Variants in PAK3 observed in about 807,000 individuals in gnomAD.
PAK3 encodes p21 (RAC1) activated kinase 3, also known as serine/threonine-protein kinase PAK 3.
Under a neutral mutation model 41.0 loss-of-function variants are expected in PAK3, and 4 were observed. The ratio of observed to expected loss-of-function variants is 0.10; its 90% confidence interval spans 0.05 to 0.22. The LOEUF is 0.22. Among genes scored for constraint, PAK3 ranks in the 10% least tolerant of loss-of-function variants. The probability of loss-of-function intolerance (pLI) is 1.00; values close to 1 mark genes in which losing one functional copy is unlikely to be tolerated. For missense variants in PAK3, 205 were observed against 409.9 expected, an observed-to-expected ratio of 0.50 and a Z score of 4.32; for synonymous variants, 146 against 139.6, an observed-to-expected ratio of 1.05 and a Z score of -0.32.
chrX:111,152,579 A>G (rs1278978132), intron 8 of PAK3, 132 bp downstream of exon 8: 5 of 483,893 alleles, frequency 1.0e-5, no homozygotes. Flanking sequence ...CAGTTTATAT[A>G]AAATTCACCT....
intron 4 of PAK3, among the ~76,000 whole-genome samples, chrX:111,120,185 G>A (rs1229311145): frequency 3.6e-5 from 4 of 111,934 alleles, no homozygotes; most frequent in African/African-American, 1.3e-4. Flanking sequence ...AGTTTGGTGG[G>A]CAATAGGAAT....
chrX:111,060,541 G>C (rs964469298), intron 1 of PAK3, among the ~76,000 whole-genome samples: 1 of 111,418 alleles, frequency 9.0e-6, no homozygotes, highest in Non-Finnish European at 1.9e-5. Context: ...CACCAGTGAA[G>C]ACTTCTTGTC....
At chrX:110,951,577 C>T (rs2090746415) in intron 1 of PAK3, among the ~76,000 whole-genome samples, 1 of 111,960 alleles carries the variant, frequency 8.9e-6, no homozygotes, top group Non-Finnish European at 1.9e-5. Flanking sequence ...TCTGATAATT[C>T]AGGTTTTGGC....
intron 1 of PAK3, among the ~76,000 whole-genome samples, chrX:110,985,070 A>T (rs1239656269): frequency 1.1e-4 from 12 of 112,336 alleles, no homozygotes; most frequent in African/African-American, 3.9e-4. Context: ...TCGAGGCTGC[A>T]GTGAGCTGAG....
rs767882062 is a variant in PAK3 at position 110,997,503 on chromosome X, G to C, written c.-28+52875G>C. Reference sequence around the variant, plus strand: ...AACTGTATGTGTTTTGAGAGATAGAGTATTTAGGATTTGCTGACAGACCTA... The same window carrying C: ...AACTGTATGTGTTTTGAGAGATAGACTATTTAGGATTTGCTGACAGACCTA... On this transcript the variant is annotated intron_variant, in intron 1 of 14. Transcript: ENST00000425146. Among the ~76,000 whole-genome samples the C allele has an allele frequency of 2.7e-5, 3 of 111,339 alleles. No homozygotes were observed. In the East Asian group the frequency reaches 8.5e-4, roughly 32 times the overall value.
chrX:111,041,968 C>A, intron 1 of PAK3, among the ~76,000 whole-genome samples: 1 of 111,589 alleles, frequency 9.0e-6, no homozygotes, highest in Non-Finnish European at 1.9e-5. Flanking sequence ...ATATATATTT[C>A]TTTATTACTG....
chrX:111,169,791 C>T (rs1335497595), intron 10 of PAK3, among the ~76,000 whole-genome samples: 1 of 111,982 alleles, frequency 8.9e-6, no homozygotes, highest in Non-Finnish European at 1.9e-5. Flanking sequence ...AACTTTTAAG[C>T]AGGAGCTGAT....
chrX:111,018,413 A>G (rs1042477749), intron 1 of PAK3, among the ~76,000 whole-genome samples: 2 of 111,909 alleles, frequency 1.8e-5, no homozygotes, highest in Admixed American at 9.5e-5. Flanking sequence ...TAAAATCAAC[A>G]TACAATAATC....
intron 16 of PAK3, among the ~76,000 whole-genome samples, chrX:111,201,357 A>G (rs993350750): frequency 1.8e-5 from 2 of 112,088 alleles, no homozygotes; most frequent in Admixed American, 1.9e-4. Context: ...TTGGAGAGAA[A>G]AAGGATCTAA....
intron 1 of PAK3, among the ~76,000 whole-genome samples, chrX:111,069,885 G>T (rs1178621164): frequency 9.0e-6 from 1 of 111,451 alleles, no homozygotes; most frequent in East Asian, 2.8e-4. Flanking sequence ...CTTAATTGGG[G>T]TCTTTTGCAG....
chrX:111,126,396 TG>T (rs2093649133), intron 5 of PAK3, among the ~76,000 whole-genome samples: 1 of 111,204 alleles, frequency 9.0e-6, no homozygotes, highest in African/African-American at 3.3e-5. Context: ...TTTCTTACCT[TG>T]GGGGTTGTTC....
At chrX:111,031,059 T>C (rs1231134681) in intron 1 of PAK3, among the ~76,000 whole-genome samples, 1 of 112,247 alleles carries the variant, frequency 8.9e-6, no homozygotes, top group Non-Finnish European at 1.9e-5. Flanking sequence ...TTGAAATGAC[T>C]GATTCAGTGG....
At chrX:111,213,883 C>T (rs1055686240) in intron 16 of PAK3, among the ~76,000 whole-genome samples, 3 of 112,043 alleles carry the variant, frequency 2.7e-5, no homozygotes, top group Admixed American at 1.9e-4. Context: ...GTGCACTATT[C>T]GATTTTAGCC....
chrX:110,956,547 G>A (rs766335261), intron 1 of PAK3, among the ~76,000 whole-genome samples: 124 of 111,662 alleles, frequency 1.1e-3, no homozygotes, highest in African/African-American at 3.6e-3. Flanking sequence ...CAAGACTGAG[G>A]GGACTTCTTG....
intron 11 of PAK3, among the ~76,000 whole-genome samples, chrX:111,185,893 C>A (rs1246846222): frequency 9.0e-6 from 1 of 110,867 alleles, no homozygotes; most frequent in African/African-American, 3.3e-5. Flanking sequence ...CAAAAATCCC[C>A]AATAAAATAC....
At chrX:111,146,496 C>CT (rs2093945793) in intron 6 of PAK3, 1 of 1,066,225 alleles carries the variant, frequency 9.4e-7, no homozygotes, top group Non-Finnish European at 1.3e-6. Flanking sequence ...ACTTTCTTTT[C>CT]TTTCTTTATT....
chrX:110,995,341 C>G (rs1293619095), intron 1 of PAK3, among the ~76,000 whole-genome samples: 1 of 111,425 alleles, frequency 9.0e-6, no homozygotes, highest in Non-Finnish European at 1.9e-5. Context: ...CATACATATT[C>G]CAACCCCTGA....
At chrX:111,117,795 G>A (rs1197845490) in intron 4 of PAK3, among the ~76,000 whole-genome samples, 1 of 111,859 alleles carries the variant, frequency 8.9e-6, no homozygotes, top group African/African-American at 3.2e-5. Flanking sequence ...GTATAATTAC[G>A]ACTGAGGGGC....
At chrX:111,035,751 A>G (rs953821876) in intron 1 of PAK3, among the ~76,000 whole-genome samples, 7 of 112,295 alleles carry the variant, frequency 6.2e-5, no homozygotes, top group African/African-American at 1.6e-4. Context: ...ATGTCATTCC[A>G]TCTTTGCTTC....
Sources: allele counts gnomAD v4.1 joint callset (sites outside exome capture counted in the v4.1 genomes callset), GRCh38; gene constraint gnomAD v4.1.1; transcripts MANE v1.5; gene names NCBI Gene and HGNC (gene_info 2026-07-23, HGNC 2026-07-21).